Variants in PI4KA observed in about 807,000 individuals in gnomAD.
PI4KA encodes PI4-kinase alpha.
A neutral mutation model predicts 271.4 loss-of-function variants in PI4KA; 122 were observed. That is an observed-to-expected ratio of 0.45 (90% CI 0.39 to 0.52). PI4KA has a LOEUF of 0.52. Among genes scored for constraint, PI4KA ranks in the 20% least tolerant of loss-of-function variants. PI4KA has a pLI of 0.00. For synonymous variants in PI4KA, 1,041 were observed against 1,078.8 expected, an observed-to-expected ratio of 0.96 and a Z score of 0.69; for missense variants, 1,969 against 2,769.1, an observed-to-expected ratio of 0.71 and a Z score of 6.48.
chr22:20,771,852 G>A (rs1243859836), intron 19 of PI4KA, among the ~76,000 whole-genome samples: 2 of 152,054 alleles, frequency 1.3e-5, no homozygotes, highest in Non-Finnish European at 2.9e-5. Context: ...AAAGTGCTGG[G>A]ATTACAGGTG....
rs77006132 is a variant in PI4KA, at chr22:20,785,041, G to A, written c.2328+8152C>T. The stretch of plus-strand genomic sequence containing the variant: ...CTCCTTCCATTCCTCCCTGCAGCCC[G>A]GCAGCTCTTGAGAAAGGGACTGCAT... On this transcript the variant is annotated intron_variant, in intron 19 of 54. Transcript: ENST00000255882. Among the ~76,000 whole-genome samples, 701 of 151,700 alleles carry A rather than the reference G, an allele frequency of 4.6e-3. 8 individuals carry two copies. Among genetic ancestry groups the A allele is most frequent in the South Asian group, 0.029 (137 of 4,776 alleles).
At chr22:20,790,329 C>T (rs1009592637) in intron 19 of PI4KA, among the ~76,000 whole-genome samples, 2 of 152,110 alleles carry the variant, frequency 1.3e-5, no homozygotes, top group African/African-American at 4.8e-5. Context: ...ACAGAATATA[C>T]TCTATATACA....
chr22:20,793,302 A>G, intron 18 of PI4KA, 59 bp from the exon 19 acceptor site: 1 of 955,574 alleles, frequency 1.0e-6, no homozygotes, highest in Non-Finnish European at 1.7e-6. Flanking sequence ...TTAAAAAAAA[A>G]AAACACAAGA....
At chr22:20,833,699 C>T (rs1215108756) in intron 3 of PI4KA, among the ~76,000 whole-genome samples, 1 of 140,486 alleles carries the variant, frequency 7.1e-6, no homozygotes, top group Non-Finnish European at 1.5e-5. Flanking sequence ...CTCGTGCTGT[C>T]GCCCAGGCTG....
chr22:20,840,584 G>A (rs142642503), intron 1 of PI4KA, among the ~76,000 whole-genome samples: 167 of 152,348 alleles, frequency 1.1e-3, no homozygotes, highest in African/African-American at 3.7e-3. Flanking sequence ...CAGCTGAGGC[G>A]AAGATGTTAG....
chr22:20,783,159 C>A (rs926178559), intron 19 of PI4KA, among the ~76,000 whole-genome samples: 3 of 152,196 alleles, frequency 2.0e-5, no homozygotes, highest in Non-Finnish European at 4.4e-5. Flanking sequence ...TTACTCACAT[C>A]TTAGAGCTAA....
In PI4KA at chr22:20,747,574, C is replaced by G; in HGVS notation, c.3363+9G>C. The G allele has an allele frequency of 6.2e-7, 1 of 1,613,698 alleles. No individual in the cohort carries two copies. The highest frequency in any genetic ancestry group is 8.5e-7 in the Non-Finnish European group (1 of 1,179,790). On this transcript the variant is annotated intron_variant, in intron 29 of 54. Coordinates refer to ENST00000255882, the MANE Select transcript of PI4KA (RefSeq NM_058004.4). ...AGGGGTCACTGCTCTTCAGAAGGCT[C>G]GCACATACCCCAAGAGTTGTGTTCT...
chr22:20,857,893 T>G (rs1007113710), intron 1 of PI4KA, among the ~76,000 whole-genome samples: 22 of 152,200 alleles, frequency 1.4e-4, no homozygotes, highest in African/African-American at 5.1e-4. Flanking sequence ...CTGGCATGAC[T>G]TCACCTTTCT....
intron 19 of PI4KA, among the ~76,000 whole-genome samples, chr22:20,788,702 G>A (rs1022555925): frequency 6.6e-6 from 1 of 152,090 alleles, no homozygotes; most frequent in Admixed American, 6.5e-5. Context: ...GCTGCGGATG[G>A]CCCACTCCTT....
At chr22:20,833,893 C>T (rs555000932) in intron 3 of PI4KA, among the ~76,000 whole-genome samples, 20 of 151,808 alleles carry the variant, frequency 1.3e-4, no homozygotes, top group African/African-American at 4.1e-4. Context: ...CTCCTGACCT[C>T]GTGATACACC....
chr22:20,794,971 C>T lies in PI4KA; in HGVS notation c.2277+1175G>A, dbSNP rs567999910. The stretch of plus-strand genomic sequence containing the variant: ...AAAATATTTACACTCTGGCCCTTTA[C>T]AGAAAAAGTGGGCTGACCCCTGACC... On this transcript the variant is annotated intron_variant, in intron 18 of 54. Coordinates refer to ENST00000255882, the MANE Select transcript of PI4KA (RefSeq NM_058004.4). Among the ~76,000 whole-genome samples, 319 of 152,228 alleles carry T rather than the reference C, an allele frequency of 2.1e-3. 1 individual carries two copies. The highest frequency in any genetic ancestry group is 6.9e-3 in the African/African-American group (286 of 41,512).
intron 42 of PI4KA, chr22:20,725,493 T>C (rs1158755808): frequency 6.7e-6 from 3 of 445,414 alleles, no homozygotes; most frequent in South Asian, 1.6e-5. Context: ...ATGAGGTCAA[T>C]AGGGTGGGTC....
At chr22:20,709,460 G>C in intron 53 of PI4KA, 81 bp from the exon 54 acceptor site, 2 of 752,244 alleles carry the variant, frequency 2.7e-6, no homozygotes, top group Non-Finnish European at 4.7e-6. Context: ...GTCTTCCATG[G>C]GGACGGACTT....
chr22:20,784,803 C>T (rs1304208550), intron 19 of PI4KA, among the ~76,000 whole-genome samples: 2 of 152,156 alleles, frequency 1.3e-5, no homozygotes, highest in African/African-American at 4.8e-5. Context: ...TGGGTCATGG[C>T]AGAAAGAATG....
At chr22:20,758,720 G>A (rs1291273828) in intron 23 of PI4KA, among the ~76,000 whole-genome samples, 4 of 152,092 alleles carry the variant, frequency 2.6e-5, no homozygotes, top group Non-Finnish European at 5.9e-5. Context: ...TGGGGCATGT[G>A]TGTGAGACTC....
chr22:20,744,316 G>T (rs112408584), intron 30 of PI4KA, among the ~76,000 whole-genome samples: 9 of 152,140 alleles, frequency 5.9e-5, no homozygotes, highest in Admixed American at 2.6e-4. Context: ...ACATCTTACC[G>T]AGTGCCCAAG....
intron 2 of PI4KA, among the ~76,000 whole-genome samples, chr22:20,838,120 CA>C (rs1445243279): frequency 0.014 from 1,166 of 83,418 alleles, 12 homozygotes; most frequent in African/African-American, 0.045. Context: ...GACTCCATCT[CA>C]AAAAAAAAAA....
intron 19 of PI4KA, chr22:20,779,187 T>G: frequency 1.9e-6 from 3 of 1,582,892 alleles, no homozygotes; most frequent in Non-Finnish European, 2.6e-6. Flanking sequence ...GAACTAATGC[T>G]GTGAGGGCCT....
At chr22:20,765,541 C>A in intron 20 of PI4KA, 44 bp downstream of exon 20, 1 of 1,323,068 alleles carries the variant, frequency 7.6e-7, no homozygotes, top group Non-Finnish European at 1.1e-6. Context: ...CCTTTACCTT[C>A]ACTCTGCACT....
Sources: allele counts gnomAD v4.1 joint callset (sites outside exome capture counted in the v4.1 genomes callset), GRCh38; gene constraint gnomAD v4.1.1; transcripts MANE v1.5; gene names NCBI Gene and HGNC (gene_info 2026-07-23, HGNC 2026-07-21).